The following CEP170 variants were observed in gnomAD, a reference collection of about 807,000 sequenced individuals.
The protein encoded by CEP170 is centrosomal protein 170, also known as centrosomal protein of 170 kDa.
A neutral mutation model predicts 151.9 loss-of-function variants in CEP170; 21 were observed. That is an observed-to-expected ratio of 0.14 (90% CI 0.10 to 0.20). The LOEUF is 0.20. Among genes scored for constraint, CEP170 ranks in the 10% least tolerant of loss-of-function variants. The probability of loss-of-function intolerance (pLI) is 1.00; values close to 1 mark genes in which losing one functional copy is unlikely to be tolerated. For synonymous variants in CEP170, 356 were observed against 648.8 expected (o/e 0.55, Z 6.86); for missense variants, 964 against 1,892.9 (o/e 0.51, Z 9.11).
chr1:243,162,205 G>C (rs559964685), intron 13 of CEP170, among the ~76,000 whole-genome samples: 5 of 152,242 alleles, frequency 3.3e-5, no homozygotes, highest in Non-Finnish European at 7.4e-5. Flanking sequence ...TAATCCAGTA[G>C]ATTCTAGCTG....
At chr1:243,170,438 C>A (rs916250137) in intron 11 of CEP170, among the ~76,000 whole-genome samples, 6 of 151,904 alleles carry the variant, frequency 3.9e-5, no homozygotes, top group African/African-American at 1.5e-4. Context: ...AAGCTAAACA[C>A]TGAAGAAGTG....
Position 243,164,346 on chromosome 1 carries a change from C to G in CEP170, c.3614G>C (p.Ser1205Thr). ...DKFSPRIRAN[S>T]ISRLSDSKVK... ...CTTGGAGTCTGAGAGTCGAGAGATA[C>G]TGTTAGCTCTAATTCTAGGAGAAAA... Residue 1205 changes from serine to threonine, a missense_variant, in exon 13 of 20, where the codon AGT (serine) becomes ACT (threonine). Transcript: ENST00000366542. 1 of 1,533,744 alleles carries G rather than the reference C, an allele frequency of 6.5e-7. No individual in the cohort carries two copies. Among genetic ancestry groups the G allele is most frequent in the East Asian group, 2.3e-5 (1 of 44,146 alleles).
At chr1:243,214,767 C>T (rs1291791103) in intron 3 of CEP170, among the ~76,000 whole-genome samples, 1 of 151,912 alleles carries the variant, frequency 6.6e-6, no homozygotes, top group Non-Finnish European at 1.5e-5. Context: ...ACAACACTGC[C>T]CATTTTGGGT....
At chr1:243,222,589 T>G (rs929351567) in intron 2 of CEP170, among the ~76,000 whole-genome samples, 1 of 152,128 alleles carries the variant, frequency 6.6e-6, no homozygotes, top group African/African-American at 2.4e-5. Flanking sequence ...TTGATCACCA[T>G]GTATTACGGG....
At chr1:243,191,695 A>G (rs147968795) in intron 7 of CEP170, among the ~76,000 whole-genome samples, 140 of 152,228 alleles carry the variant, frequency 9.2e-4, no homozygotes, top group African/African-American at 3.3e-3. Flanking sequence ...TTGATTACCA[A>G]TAGGGGATGG....
rs984646624 is a variant in CEP170, at chr1:243,198,911, TAAC to T, written c.631+146_631+148del. The T allele has an allele frequency of 5.6e-6, 3 of 539,224 alleles. No homozygotes were observed. The African/African-American group carries it at 5.7e-5, about 10-fold the overall frequency. 33.4% of individuals were successfully genotyped at this position (539,224 alleles called of 1,614,324 possible). A position where few individuals can be genotyped will look rare whatever the true frequency, so the allele number is the denominator to read the frequency against. Reference sequence around the variant, plus strand: ...CATAATTTTAAATTTTACATTAAAATAACAAGGCCATTAAAACATTCATCAATT... The same window carrying T: ...CATAATTTTAAATTTTACATTAAAATAAGGCCATTAAAACATTCATCAATT... On this transcript the variant is annotated intron_variant, in intron 7 of 19. Coordinates refer to ENST00000366542, the MANE Select transcript of CEP170 (RefSeq NM_014812.3).
intron 4 of CEP170, 88 bp from the exon 5 acceptor site, chr1:243,200,923 T>C (rs1334747205): frequency 2.1e-6 from 3 of 1,430,264 alleles, no homozygotes; most frequent in Admixed American, 2.4e-5. Context: ...AATTGTTCTA[T>C]TTCAACAGGT....
Position 243,165,831 on chromosome 1 carries a change from A to G in CEP170, c.2129T>C (p.Leu710Pro), listed in dbSNP as rs776447192. The G allele has an allele frequency of 2.5e-6, 4 of 1,613,852 alleles. No individual in the cohort carries two copies. The highest frequency in any genetic ancestry group is 3.4e-6 in the Non-Finnish European group (4 of 1,179,876). Residue 710 changes from leucine (L) to proline (P), a missense_variant, in exon 13 of 20, where the codon CTC becomes CCC. Physicochemically the swap from Leu to Pro is moderately conservative, Grantham distance 98. Coordinates refer to ENST00000366542, the MANE Select transcript of CEP170 (RefSeq NM_014812.3). Reference sequence around the variant, plus strand: ...GGTTTTATTATCTCCACCAGTTTTGAGAGTCTCTCCATTTACTGCCCTGTT... The same window carrying G: ...GGTTTTATTATCTCCACCAGTTTTGGGAGTCTCTCCATTTACTGCCCTGTT... ...KMNRAVNGET[L>P]KTGGDNKTLL...
chr1:243,220,240 C>G (rs2062671320), intron 3 of CEP170, among the ~76,000 whole-genome samples: 1 of 152,010 alleles, frequency 6.6e-6, no homozygotes, highest in Admixed American at 6.6e-5. Context: ...TGAAGAAAAT[C>G]TAACAAATTA....
intron 4 of CEP170, among the ~76,000 whole-genome samples, chr1:243,202,872 TTG>T (rs1305073976): frequency 6.6e-6 from 1 of 152,114 alleles, no homozygotes; most frequent in Admixed American, 6.6e-5. Flanking sequence ...TTTCAGCCTG[TTG>T]TGAGGGTTTT....
chr1:243,225,266 G>A lies in CEP170; in HGVS notation c.15C>T (p.Ser5=). The change falls in exon 2 of 20, where the codon TCC becomes TCT. Residue 5 remains serine, a synonymous_variant. Coordinates refer to ENST00000366542, the MANE Select transcript of CEP170 (RefSeq NM_014812.3). Reference sequence around the variant, plus strand: ...TGCCTCCACTGCTCACCAAAAACCAGGATGTTAAGCTCATTTTCTGCTTAG... The same window carrying A: ...TGCCTCCACTGCTCACCAAAAACCAAGATGTTAAGCTCATTTTCTGCTTAG... The part of the protein sequence containing the change: MSLT[S]WFLVSSGGTR... 1.9e-6 allele frequency: 3 copies of A among 1,592,300 alleles called. No individual in the cohort carries two copies. The highest frequency in any genetic ancestry group is 2.3e-5 in the East Asian group (1 of 43,394).
At chr1:243,213,909 C>T (rs1395283016) in intron 3 of CEP170, among the ~76,000 whole-genome samples, 2 of 152,150 alleles carry the variant, frequency 1.3e-5, no homozygotes, top group African/African-American at 4.8e-5. Context: ...TGGGGTCTCA[C>T]TATGTCACCC....
chr1:243,224,116 C>CAACTTGAT (rs760925742), intron 2 of CEP170, among the ~76,000 whole-genome samples: 3 of 152,138 alleles, frequency 2.0e-5, no homozygotes, highest in Non-Finnish European at 4.4e-5. Context: ...AGGTGCATGA[C>CAACTTGAT]AACTTGATAT....
intron 4 of CEP170, among the ~76,000 whole-genome samples, chr1:243,203,250 A>G (rs933341885): frequency 7.2e-5 from 11 of 152,204 alleles, no homozygotes; most frequent in Non-Finnish European, 1.5e-4. Flanking sequence ...ATAACGCATG[A>G]TATCAGTAAG....
intron 4 of CEP170, among the ~76,000 whole-genome samples, chr1:243,208,046 A>G (rs942343236): frequency 3.9e-5 from 6 of 152,110 alleles, no homozygotes; most frequent in Non-Finnish European, 5.9e-5. Context: ...ATTCTCTATC[A>G]GTTATTAAAA....
At chr1:243,186,766 A>C (rs2059963026) in intron 8 of CEP170, among the ~76,000 whole-genome samples, 1 of 152,216 alleles carries the variant, frequency 6.6e-6, no homozygotes, top group Admixed American at 6.5e-5. Flanking sequence ...TTCAAATTAT[A>C]CATCTTATTT....
chr1:243,233,178 A>T (rs938658690), intron 1 of CEP170, among the ~76,000 whole-genome samples: 11 of 152,218 alleles, frequency 7.2e-5, no homozygotes, highest in African/African-American at 2.7e-4. Flanking sequence ...CTTGGGTGTC[A>T]GATGGATGTG....
At chr1:243,149,630 T>TA (rs1174167966) in intron 14 of CEP170, among the ~76,000 whole-genome samples, 1 of 152,232 alleles carries the variant, frequency 6.6e-6, no homozygotes, top group Admixed American at 6.5e-5. Context: ...GGGTAGTTTT[T>TA]ATATCCATAA....
At chr1:243,225,577 T>C (rs1027644791) in intron 1 of CEP170, among the ~76,000 whole-genome samples, 4 of 152,190 alleles carry the variant, frequency 2.6e-5, no homozygotes, top group Admixed American at 2.6e-4. Context: ...AGCAAACTTT[T>C]ATAGTTTTCA....
Sources: gnomAD v4.1 joint callset for allele counts (sites outside exome capture counted in the v4.1 genomes callset) on GRCh38, gnomAD v4.1.1 for gene constraint, MANE v1.5 for transcripts, NCBI Gene and HGNC (gene_info 2026-07-23, HGNC 2026-07-21) for gene names.